Variants in PPM1H observed in about 807,000 individuals in gnomAD.
PPM1H encodes the protein protein phosphatase 1H.
PPM1H carries 27 observed loss-of-function variants against 54.9 expected under a neutral mutation model. The observed-to-expected ratio is 0.49, with a 90% CI of 0.36 to 0.68. PPM1H has a LOEUF of 0.68. PPM1H is among the 30% of genes least tolerant of loss of function. The probability of loss-of-function intolerance (pLI) is 0.00; values close to 1 mark genes in which losing one functional copy is unlikely to be tolerated. For synonymous variants in PPM1H, 305 were observed against 270.8 expected (o/e 1.13, Z -1.24); for missense variants, 596 against 667.8 (o/e 0.89, Z 1.19).
chr12:62,895,623 TC>T (rs777755721), intron 1 of PPM1H, among the ~76,000 whole-genome samples: 5 of 152,166 alleles, frequency 3.3e-5, no homozygotes, highest in Non-Finnish European at 5.9e-5. Flanking sequence ...TGGGAGCAGA[TC>T]CCTCACAAAT....
rs2120857706 is a variant in PPM1H, at chr12:62,831,988, C to CT, written c.411+125dup. On this transcript the variant is annotated intron_variant, in intron 2 of 9. Transcript: ENST00000228705. The stretch of plus-strand genomic sequence containing the variant: ...TCGTGACGATAGGCCCGCCACCCCA[C>CT]TAACTCTGGGGACACTGCTTTCTCA... 8 of 1,166,698 alleles carry CT rather than the reference C, an allele frequency of 6.9e-6. No homozygotes were observed. In the South Asian group the frequency reaches 1.2e-4, roughly 18 times the overall value. 72.3% of individuals were successfully genotyped at this position (1,166,698 alleles called of 1,614,324 possible).
intron 4 of PPM1H, among the ~76,000 whole-genome samples, chr12:62,770,966 T>A (rs899005010): frequency 1.3e-5 from 2 of 151,950 alleles, no homozygotes; most frequent in South Asian, 4.2e-4. Flanking sequence ...GCAATGCAGC[T>A]CTAGGCTTCT....
intron 9 of PPM1H, chr12:62,658,730 G>A: frequency 2.7e-6 from 1 of 363,902 alleles, no homozygotes; most frequent in South Asian, 2.2e-5. Flanking sequence ...GACCCCACAA[G>A]AGTAAAAGAA....
intron 1 of PPM1H, among the ~76,000 whole-genome samples, chr12:62,921,889 G>A (rs895818): frequency 0.31 from 47,645 of 152,058 alleles, 8,290 homozygotes; most frequent in Non-Finnish European, 0.4. Flanking sequence ...CCTCACTTAC[G>A]ATTTAAGCCC....
intron 9 of PPM1H, among the ~76,000 whole-genome samples, chr12:62,652,243 C>T (rs1257479016): frequency 3.9e-5 from 6 of 152,148 alleles, no homozygotes; most frequent in African/African-American, 7.2e-5. Context: ...GACAGGGCCT[C>T]GCTCTGTCAT....
rs755541204 is a variant in PPM1H, at chr12:62,689,730, T to C, written c.1214A>G (p.Tyr405Cys). ...HDLKVHDSNIYIKPFLSSAPE... is the reference protein window; with the variant it reads ...HDLKVHDSNICIKPFLSSAPE... Reference sequence around the variant, plus strand: ...AGCTGAAGACAGGAATGGTTTAATGTAGATGTTGGAGTCATGCACCTTCAG... The same window carrying C: ...AGCTGAAGACAGGAATGGTTTAATGCAGATGTTGGAGTCATGCACCTTCAG... Residue 405 changes from tyrosine (Y) to cysteine (C), a missense_variant, in exon 8 of 10, where the codon TAC (tyrosine) becomes TGC (cysteine). Coordinates refer to ENST00000228705, the MANE Select transcript of PPM1H (RefSeq NM_020700.2). 1 of 1,613,766 alleles carries C rather than the reference T, an allele frequency of 6.2e-7. No individual in the cohort carries two copies. The highest frequency in any genetic ancestry group is 1.3e-5 in the African/African-American group (1 of 75,052).
At chr12:62,836,260 T>C (rs1427983386) in intron 1 of PPM1H, among the ~76,000 whole-genome samples, 1 of 152,224 alleles carries the variant, frequency 6.6e-6, no homozygotes, top group Non-Finnish European at 1.5e-5. Flanking sequence ...CTGGAGGTAA[T>C]AAGTCATGGT....
chr12:62,680,464 G>A (rs1375352322), intron 8 of PPM1H, among the ~76,000 whole-genome samples: 2 of 151,980 alleles, frequency 1.3e-5, no homozygotes, highest in African/African-American at 2.4e-5. Flanking sequence ...CTATAGCTAC[G>A]TGCCACCATG....
At position 62,737,371 on chromosome 12, in the gene PPM1H, G is replaced by C. The variant is rs181716287; in HGVS notation, c.954+131C>G. 2.1e-5 allele frequency: 11 copies of C among 521,090 alleles called. No homozygotes were observed. The East Asian group carries it at 2.7e-4, about 13-fold the overall frequency. The allele number at this position is 521,090 out of a possible 1,614,324, so 32.3% of individuals were successfully genotyped here. On this transcript the variant is annotated intron_variant, in intron 5 of 9. Transcript: ENST00000228705. ...ATGTGTGATCCAGAAGGTGTGTGTG[G>C]GGGAGTTAATACCATATGTCATTTG...
chr12:62,860,932 G>A (rs1869576436), intron 1 of PPM1H, among the ~76,000 whole-genome samples: 1 of 152,146 alleles, frequency 6.6e-6, no homozygotes, highest in Admixed American at 6.5e-5. Flanking sequence ...CATTTACCCA[G>A]CACTTCCAGA....
chr12:62,894,324 T>C lies in PPM1H; in HGVS notation c.245+40168A>G, dbSNP rs142907704. On this transcript the variant is annotated intron_variant, in intron 1 of 9. Transcript: ENST00000228705. The stretch of plus-strand genomic sequence containing the variant: ...TATAGGGGTGACAGCAAAGGAAGAG[T>C]TGGGATAAAAGGCAAGGGCAAGAAT... Among the ~76,000 whole-genome samples the C allele has an allele frequency of 2.7e-3, 406 of 150,314 alleles. 2 individuals carry two copies. Among genetic ancestry groups the C allele is most frequent in the African/African-American group, 9.7e-3 (398 of 40,828 alleles).
At chr12:62,920,918 T>G (rs1399467806) in intron 1 of PPM1H, among the ~76,000 whole-genome samples, 2 of 148,936 alleles carry the variant, frequency 1.3e-5, no homozygotes, top group South Asian at 4.2e-4. Flanking sequence ...TGTAATTAAT[T>G]AATTTATTTA....
rs548580177 is a variant in PPM1H, at chr12:62,934,405, C to T, written c.245+87G>A. ...CCGGCAGCTAGTGAGAGCCCTGAGG[C>T]CGAGAAGCAGGGAGAGAAGAGGGCT... On this transcript the variant is annotated intron_variant, in intron 1 of 9. Transcript: ENST00000228705. This position sits in a 1 kb window ranked among gnomAD's most constrained non-coding sequence, Gnocchi z 4.2. 24 of 1,402,498 alleles carry T rather than the reference C, an allele frequency of 1.7e-5. No individual in the cohort carries two copies. The highest frequency in any genetic ancestry group is 5.3e-4 in the Middle Eastern group (2 of 3,806). The allele number at this position is 1,402,498 out of a possible 1,614,324, so 86.9% of individuals were successfully genotyped here.
intron 6 of PPM1H, among the ~76,000 whole-genome samples, chr12:62,696,051 C>T (rs114521191): frequency 2.9e-3 from 444 of 152,188 alleles, no homozygotes; most frequent in African/African-American, 0.01. Flanking sequence ...AGCTAGAAGG[C>T]TAGAATTAAA....
chr12:62,662,027 C>CTGTT (rs2075887119), intron 9 of PPM1H, among the ~76,000 whole-genome samples: 1 of 152,158 alleles, frequency 6.6e-6, no homozygotes, highest in African/African-American at 2.4e-5. Flanking sequence ...CTTTCCCATC[C>CTGTT]TGTTTGTTCC....
In PPM1H at chr12:62,868,158, G is replaced by C. The variant is rs572946594; in HGVS notation, c.246-35879C>G. ...AGTGTGCTACCAAGGATTGAAAGCA[G>C]TTTTCTTAATACCAAGAACAGTTCA... On this transcript the variant is annotated intron_variant, in intron 1 of 9. Coordinates refer to ENST00000228705, the MANE Select transcript of PPM1H (RefSeq NM_020700.2). Among the ~76,000 whole-genome samples, 7 of 152,246 alleles carry C rather than the reference G, an allele frequency of 4.6e-5. No individual in the cohort carries two copies. The South Asian group carries it at 8.3e-4, about 18-fold the overall frequency.
intron 2 of PPM1H, among the ~76,000 whole-genome samples, chr12:62,803,194 T>TC (rs1399327798): frequency 2.0e-5 from 3 of 152,164 alleles, no homozygotes; most frequent in African/African-American, 7.2e-5. Context: ...GTCTCTCCAT[T>TC]CCTTCTTCTT....
At chr12:62,718,600 G>T (rs982255378) in intron 6 of PPM1H, among the ~76,000 whole-genome samples, 8 of 152,036 alleles carry the variant, frequency 5.3e-5, no homozygotes, top group African/African-American at 1.9e-4. Flanking sequence ...ATTTGGTCAT[G>T]TTCCTTGCTG....
chr12:62,645,155 G>C lies in PPM1H; in HGVS notation c.*3334C>G, dbSNP rs2136586200. 6.6e-6 allele frequency: 1 copy of C among 152,266 alleles called. No homozygotes were observed. The highest frequency in any genetic ancestry group is 2.1e-4 in the South Asian group (1 of 4,824). 9.4% of individuals were successfully genotyped at this position (152,266 alleles called of 1,614,324 possible). On this transcript the variant is annotated 3_prime_UTR_variant, in exon 10 of 10. Coordinates refer to ENST00000228705, the MANE Select transcript of PPM1H (RefSeq NM_020700.2). ...TTCATACTAGTGCTCTTGTTAAATG[G>C]AAAACCCTTCCTGAATGGGGAAGAT...
Sources: gnomAD v4.1 joint callset for allele counts (sites outside exome capture counted in the v4.1 genomes callset) on GRCh38, gnomAD v4.1.1 for gene constraint, Gnocchi (gnomAD v3.1) non-coding constraint, MANE v1.5 for transcripts, NCBI Gene and HGNC (gene_info 2026-07-23, HGNC 2026-07-21) for gene names.